The following LDAH variants were observed in gnomAD, a reference collection of about 807,000 sequenced individuals.
LDAH encodes the protein lipid droplet-associated hydrolase.
A neutral mutation model predicts 29.6 loss-of-function variants in LDAH; 26 were observed. The ratio of observed to expected loss-of-function variants is 0.88; its 90% CI spans 0.64 to 1.22. The LOEUF (loss-of-function observed/expected upper bound fraction) is 1.22, where lower values mean the gene tolerates loss of function less well. Among genes scored for constraint, LDAH ranks in the 50% most tolerant of loss-of-function variants. LDAH has a pLI of 0.00. For missense variants in LDAH, 344 were observed against 387.3 expected, an observed-to-expected ratio of 0.89 and a Z score of 0.94; for synonymous variants, 117 against 133.0, an observed-to-expected ratio of 0.88 and a Z score of 0.83.
chr2:20,712,597 A>C (rs1216579486), intron 5 of LDAH, among the ~76,000 whole-genome samples: 1 of 152,228 alleles, frequency 6.6e-6, no homozygotes, highest in Non-Finnish European at 1.5e-5. Flanking sequence ...TCCAAGCTAA[A>C]GGAGGATGTT....
intron 2 of LDAH, among the ~76,000 whole-genome samples, chr2:20,792,522 T>C (rs751024972): frequency 6.6e-5 from 10 of 152,144 alleles, no homozygotes; most frequent in Admixed American, 6.5e-4. Context: ...AGTAATCCGG[T>C]GTAGGATCTT....
intron 4 of LDAH, among the ~76,000 whole-genome samples, chr2:20,754,708 T>C (rs1668207935): frequency 6.6e-6 from 1 of 151,958 alleles, no homozygotes; most frequent in Admixed American, 6.6e-5. Flanking sequence ...AAAACCTTAA[T>C]CTAGTCAAAA....
At chr2:20,716,243 TTA>T (rs1292908384) in intron 5 of LDAH, among the ~76,000 whole-genome samples, 1 of 152,114 alleles carries the variant, frequency 6.6e-6, no homozygotes, top group Non-Finnish European at 1.5e-5. Flanking sequence ...ACCCAAAGGA[TTA>T]TAAATCATGC....
chr2:20,704,387 T>C (rs1445532049), intron 5 of LDAH, among the ~76,000 whole-genome samples: 1 of 152,256 alleles, frequency 6.6e-6, no homozygotes, highest in African/African-American at 2.4e-5. Context: ...TTTTACTATA[T>C]TTCAGGGAAT....
chr2:20,772,444 T>G lies in LDAH; in HGVS notation c.468+2366A>C, dbSNP rs914939730. Among the ~76,000 whole-genome samples the G allele has an allele frequency of 5.9e-5, 9 of 152,352 alleles. No homozygotes were observed. In the South Asian group the frequency reaches 1.0e-3, roughly 18 times the overall value. Reference sequence around the variant, plus strand: ...GTCATTGCCTACACCAGTAAATAAATGCAACAATTTATGTACATCCTATGT... The same window carrying G: ...GTCATTGCCTACACCAGTAAATAAAGGCAACAATTTATGTACATCCTATGT... On this transcript the variant is annotated intron_variant, in intron 4 of 6. Transcript: ENST00000237822.
At chr2:20,705,638 G>A (rs147945307) in intron 5 of LDAH, among the ~76,000 whole-genome samples, 1 of 152,162 alleles carries the variant, frequency 6.6e-6, no homozygotes, top group African/African-American at 2.4e-5. Context: ...ATTGTCTAGT[G>A]GGGGAGAGAA....
At chr2:20,774,705 T>A in intron 4 of LDAH, 105 bp downstream of exon 4, 4 of 1,134,974 alleles carry the variant, frequency 3.5e-6, no homozygotes, top group Non-Finnish European at 5.2e-6. Flanking sequence ...CTCTCTCTGT[T>A]CTATTTATCA....
chr2:20,800,671 C>T (rs1187351193), intron 2 of LDAH, among the ~76,000 whole-genome samples: 1 of 151,802 alleles, frequency 6.6e-6, no homozygotes, highest in Non-Finnish European at 1.5e-5. Context: ...TCTCGCTCTG[C>T]CCCCCAGGCT....
At chr2:20,702,766 TCC>T (rs1664037506) in intron 5 of LDAH, among the ~76,000 whole-genome samples, 1 of 152,376 alleles carries the variant, frequency 6.6e-6, no homozygotes, top group South Asian at 2.1e-4. Context: ...ACTTGCACTT[TCC>T]CCATGCCTTC....
intron 2 of LDAH, among the ~76,000 whole-genome samples, chr2:20,795,749 TC>T (rs1671261426): frequency 6.6e-6 from 1 of 151,862 alleles, no homozygotes; most frequent in African/African-American, 2.4e-5. Flanking sequence ...AAAAGAAAAC[TC>T]ACAATTATCA....
Position 20,789,481 on chromosome 2 carries a change from C to T in LDAH, c.298+774G>A, listed in dbSNP as rs577030128. The T allele has an allele frequency of 1.1e-3, 1,355 of 1,279,562 alleles. 2 individuals carry two copies. Among genetic ancestry groups the T allele is most frequent in the Non-Finnish European group, 1.3e-3 (1,266 of 957,002 alleles). The allele number at this position is 1,279,562 out of a possible 1,614,324, so 79.3% of individuals were successfully genotyped here. ...GTCTATGGTATTTTGCTATAGCAGCCCAAACTGACTAAGACACATGCCTAC... is the reference window on the plus strand; with the variant it reads ...GTCTATGGTATTTTGCTATAGCAGCTCAAACTGACTAAGACACATGCCTAC... On this transcript the variant is annotated intron_variant, in intron 3 of 6. Transcript: ENST00000237822.
At chr2:20,712,020 G>GAAGAC (rs1380023749) in intron 5 of LDAH, among the ~76,000 whole-genome samples, 3 of 152,262 alleles carry the variant, frequency 2.0e-5, no homozygotes, top group Non-Finnish European at 4.4e-5. Context: ...TGACAGCTCT[G>GAAGAC]AAGACAGCAG....
At chr2:20,743,185 A>G (rs1667318771) in intron 4 of LDAH, among the ~76,000 whole-genome samples, 1 of 151,914 alleles carries the variant, frequency 6.6e-6, no homozygotes, top group South Asian at 2.1e-4. Flanking sequence ...TGTGGTTTTA[A>G]TTGAGCATTT....
chr2:20,697,243 A>G (rs2149344823), intron 6 of LDAH, among the ~76,000 whole-genome samples: 1 of 152,272 alleles, frequency 6.6e-6, no homozygotes, highest in Middle Eastern at 3.4e-3. Context: ...TCCAGATACA[A>G]AGAAATAATC....
chr2:20,775,793 A>T lies in LDAH; in HGVS notation c.299-814T>A, dbSNP rs139853032. Among the ~76,000 whole-genome samples the T allele has an allele frequency of 1.5e-3, 231 of 152,116 alleles. 2 individuals carry two copies. Among genetic ancestry groups the T allele is most frequent in the African/African-American group, 5.2e-3 (217 of 41,504 alleles). Reference sequence around the variant, plus strand: ...GAGCTCTCTTCTGTGCTTAATCAGTACCTCTTTTATTATAGCACTTTATCA... The same window carrying T: ...GAGCTCTCTTCTGTGCTTAATCAGTTCCTCTTTTATTATAGCACTTTATCA... On this transcript the variant is annotated intron_variant, in intron 3 of 6. Coordinates refer to ENST00000237822, the MANE Select transcript of LDAH (RefSeq NM_021925.4).
At chr2:20,770,566 T>C (rs1669342755) in intron 4 of LDAH, among the ~76,000 whole-genome samples, 1 of 152,178 alleles carries the variant, frequency 6.6e-6, no homozygotes, top group Non-Finnish European at 1.5e-5. Flanking sequence ...AAGAAGATTC[T>C]AGATAGTGGA....
At chr2:20,774,096 T>G in intron 4 of LDAH, among the ~76,000 whole-genome samples, 1 of 152,220 alleles carries the variant, frequency 6.6e-6, no homozygotes, top group Non-Finnish European at 1.5e-5. Flanking sequence ...AATAAAGAAA[T>G]GAATTATCTT....
At chr2:20,756,852 G>C (rs1236613209) in intron 4 of LDAH, among the ~76,000 whole-genome samples, 1 of 152,164 alleles carries the variant, frequency 6.6e-6, no homozygotes, top group Non-Finnish European at 1.5e-5. Context: ...AATATCATCA[G>C]AAAATATAAT....
chr2:20,719,629 G>A (rs933690414), intron 5 of LDAH, among the ~76,000 whole-genome samples: 7 of 152,014 alleles, frequency 4.6e-5, no homozygotes, highest in Admixed American at 1.3e-4. Flanking sequence ...CTCATTCTAT[G>A]AGGCCAGCAT....
Sources: allele counts gnomAD v4.1 joint callset (sites outside exome capture counted in the v4.1 genomes callset), GRCh38; gene constraint gnomAD v4.1.1; transcripts MANE v1.5; gene names NCBI Gene and HGNC (gene_info 2026-07-23, HGNC 2026-07-21).